Variants in SPICE1 observed in about 807,000 individuals in gnomAD.
The protein encoded by SPICE1 is spindle and centriole-associated protein 1.
SPICE1 carries 75 observed loss-of-function variants against 102.7 expected under a neutral mutation model. That is an observed-to-expected ratio of 0.73 (90% CI 0.61 to 0.88). The LOEUF (loss-of-function observed/expected upper bound fraction) is 0.88, where lower values mean the gene tolerates loss of function less well. Among genes scored for constraint, SPICE1 ranks in the 40% least tolerant of loss-of-function variants. The pLI is 0.00. For synonymous variants in SPICE1, 308 were observed against 350.3 expected (o/e 0.88, Z 1.35); for missense variants, 979 against 1,020.1 (o/e 0.96, Z 0.55).
At chr3:113,465,535 A>C in intron 11 of SPICE1, 118 bp downstream of exon 11, 1 of 801,608 alleles carries the variant, frequency 1.2e-6, no homozygotes. Flanking sequence ...GATAAAAATG[A>C]CTGATAAGTA....
intron 4 of SPICE1, among the ~76,000 whole-genome samples, chr3:113,498,642 C>T (rs534165344): frequency 3.2e-4 from 48 of 152,294 alleles, no homozygotes; most frequent in African/African-American, 1.2e-3. Context: ...AAGACTGAGA[C>T]TTTATTTCAA....
chr3:113,467,665 C>T (rs1936092379), intron 10 of SPICE1, among the ~76,000 whole-genome samples: 1 of 152,194 alleles, frequency 6.6e-6, no homozygotes, highest in African/African-American at 2.4e-5. Context: ...CCCACTTAGA[C>T]ATTGAAGCCA....
rs1936043047 is a variant in SPICE1, at chr3:113,465,799, C to T, written c.1156-15G>A. The T allele has an allele frequency of 6.2e-7, 1 of 1,605,576 alleles. No homozygotes were observed. On this transcript the variant is annotated splice_polypyrimidine_tract_variant and intron_variant, in intron 10 of 17. Transcript: ENST00000295872. ...TGGATCTCACTCTACAAAAAAATAT[C>T]AAATAAACTTCCACCAATAGCATCA...
chr3:113,458,265 C>T lies in SPICE1; in HGVS notation c.1436-908G>A, dbSNP rs1007117115. On this transcript the variant is annotated intron_variant, in intron 12 of 17. Transcript: ENST00000295872. ...TGCACGTCTCCCTCTGATGCCCAGC[C>T]GAGGCTGGACTGTACTGCCGCCATC... Among the ~76,000 whole-genome samples the T allele has an allele frequency of 3.3e-5, 5 of 152,000 alleles. No individual in the cohort carries two copies. In the East Asian group the frequency reaches 7.7e-4, roughly 24 times the overall value.
chr3:113,490,539 G>C (rs1236993481), intron 6 of SPICE1, among the ~76,000 whole-genome samples: 1 of 152,088 alleles, frequency 6.6e-6, no homozygotes, highest in Admixed American at 6.6e-5. Flanking sequence ...CTACTCAAGA[G>C]GCTGAGGCAG....
chr3:113,492,711 T>C (rs1936792262), intron 6 of SPICE1, among the ~76,000 whole-genome samples: 1 of 152,142 alleles, frequency 6.6e-6, no homozygotes, highest in African/African-American at 2.4e-5. Flanking sequence ...TCTAGTCCCA[T>C]TTAACAAAAA....
At chr3:113,468,425 T>G (rs1249435762) in intron 9 of SPICE1, 21 bp from the exon 10 acceptor site, 1 of 1,605,928 alleles carries the variant, frequency 6.2e-7, no homozygotes, top group Non-Finnish European at 8.5e-7. Context: ...GAGAAGTCAT[T>G]CTATTTTAAG....
intron 5 of SPICE1, 149 bp from the exon 6 acceptor site, chr3:113,493,461 T>C: frequency 3.1e-6 from 2 of 648,832 alleles, no homozygotes; most frequent in Non-Finnish European, 5.4e-6. Context: ...CAGGCACTGT[T>C]CTAAACGTAC....
At chr3:113,474,629 G>C (rs910583049) in intron 7 of SPICE1, among the ~76,000 whole-genome samples, 1 of 152,128 alleles carries the variant, frequency 6.6e-6, no homozygotes, top group Non-Finnish European at 1.5e-5. Flanking sequence ...TCAGGATTAA[G>C]AAACTCACTC....
rs1003252045 is a variant in SPICE1, at chr3:113,444,644, C to T, written c.*663G>A. 6.6e-6 allele frequency: 1 copy of T among 152,124 alleles called. No individual in the cohort carries two copies. Among genetic ancestry groups the T allele is most frequent in the African/African-American group, 2.4e-5 (1 of 41,420 alleles). The allele number at this position is 152,124 out of a possible 1,614,324, so 9.4% of individuals were successfully genotyped here. On this transcript the variant is annotated 3_prime_UTR_variant, in exon 18 of 18. Transcript: ENST00000295872. Reference sequence around the variant, plus strand: ...GTTACCACATTTAGGCATTTGAGCTCTAGAATCATATTTATTTGATTTGCA... The same window carrying T: ...GTTACCACATTTAGGCATTTGAGCTTTAGAATCATATTTATTTGATTTGCA...
At chr3:113,510,241 T>C (rs1448225050) in intron 1 of SPICE1, among the ~76,000 whole-genome samples, 1 of 152,188 alleles carries the variant, frequency 6.6e-6, no homozygotes, top group Non-Finnish European at 1.5e-5. Context: ...TAAACTACCA[T>C]TAACATCTTC....
intron 13 of SPICE1, among the ~76,000 whole-genome samples, chr3:113,454,901 G>A (rs908048942): frequency 1.3e-5 from 2 of 152,062 alleles, no homozygotes; most frequent in Non-Finnish European, 2.9e-5. Context: ...CTTGCACAAA[G>A]GACACCACAA....
Position 113,481,006 on chromosome 3 carries a change from G to A in SPICE1, c.611+7939C>T, listed in dbSNP as rs146952573. 2.8e-5 allele frequency among the ~76,000 whole-genome samples: 4 copies of A among 142,686 alleles called. No individual in the cohort carries two copies. The East Asian group carries it at 6.3e-4, about 23-fold the overall frequency. The allele number at this position is 142,686 out of a possible 152,430, so 93.6% of individuals were successfully genotyped here. A position where few individuals can be genotyped will look rare whatever the true frequency, so the allele number is the denominator to read the frequency against. On this transcript the variant is annotated intron_variant, in intron 7 of 17. Transcript: ENST00000295872. ...AGCATTTTCATACAATCAGAAACAA[G>A]GCAAGGATCCCCACTATCTCCATTA...
Position 113,468,758 on chromosome 3 carries a change from G to A in SPICE1, c.889+4C>T, listed in dbSNP as rs769308351. 1.9e-6 allele frequency: 3 copies of A among 1,611,040 alleles called. No individual in the cohort carries two copies. Among genetic ancestry groups the A allele is most frequent in the Non-Finnish European group, 2.5e-6 (3 of 1,179,268 alleles). On this transcript the variant is annotated splice_donor_region_variant and intron_variant, in intron 9 of 17. Coordinates refer to ENST00000295872, the MANE Select transcript of SPICE1 (RefSeq NM_144718.4). The stretch of plus-strand genomic sequence containing the variant: ...ATTCATCTTTGTAAATTAAGGGACT[G>A]AACCTTTATTTAACAGCTGTTTTTG...
intron 2 of SPICE1, among the ~76,000 whole-genome samples, 177 bp from the exon 3 acceptor site, chr3:113,503,404 A>G (rs1480889531): frequency 1.3e-5 from 2 of 152,188 alleles, no homozygotes; most frequent in Non-Finnish European, 1.5e-5. Context: ...TAGGTGTCCT[A>G]TTTATAGAAA....
chr3:113,498,679 G>A (rs1936949812), intron 4 of SPICE1, among the ~76,000 whole-genome samples: 1 of 152,152 alleles, frequency 6.6e-6, no homozygotes, highest in Non-Finnish European at 1.5e-5. Context: ...TTCCTCAAAA[G>A]AAAATGTATG....
chr3:113,476,121 A>G (rs1346325554), intron 7 of SPICE1, among the ~76,000 whole-genome samples: 1 of 152,080 alleles, frequency 6.6e-6, no homozygotes, highest in East Asian at 1.9e-4. Context: ...AAAAATCACA[A>G]GCATTCTTAT....
chr3:113,484,864 T>C (rs1328175025), intron 7 of SPICE1, among the ~76,000 whole-genome samples: 4 of 152,312 alleles, frequency 2.6e-5, no homozygotes, highest in African/African-American at 7.2e-5. Context: ...GAGAGTTCTG[T>C]AGATGTCTAT....
intron 14 of SPICE1, 57 bp downstream of exon 14, chr3:113,453,409 C>A (rs1287502785): frequency 6.6e-7 from 1 of 1,522,780 alleles, no homozygotes; most frequent in African/African-American, 1.4e-5. Flanking sequence ...GTTGCCCAAG[C>A]TAAAGTTCCT....
Sources: allele counts gnomAD v4.1 joint callset (sites outside exome capture counted in the v4.1 genomes callset), GRCh38; gene constraint gnomAD v4.1.1; transcripts MANE v1.5; gene names NCBI Gene and HGNC (gene_info 2026-07-23, HGNC 2026-07-21).